Variants in MTHFD2L observed in about 807,000 individuals in gnomAD.
MTHFD2L encodes methylenetetrahydrofolate dehydrogenase (NADP+ dependent) 2 like.
A neutral mutation model predicts 34.9 loss-of-function variants in MTHFD2L; 29 were observed. The observed-to-expected ratio is 0.83, with a 90% confidence interval of 0.62 to 1.13. The LOEUF is 1.13. MTHFD2L is among the 50% of genes most tolerant of loss of function. The pLI is 0.00. For synonymous variants in MTHFD2L, 167 were observed against 155.7 expected, an observed-to-expected ratio of 1.07 and a Z score of -0.54; for missense variants, 481 against 446.5, an observed-to-expected ratio of 1.08 and a Z score of -0.70.
chr4:74,274,129 G>A (rs972413162), intron 6 of MTHFD2L, among the ~76,000 whole-genome samples: 16 of 152,010 alleles, frequency 1.1e-4, no homozygotes, highest in Non-Finnish European at 2.2e-4. Context: ...TGGGATTACA[G>A]GCATAAGCCA....
At chr4:74,210,252 G>C (rs139855464) in intron 5 of MTHFD2L, among the ~76,000 whole-genome samples, 54 of 152,238 alleles carry the variant, frequency 3.5e-4, no homozygotes, top group African/African-American at 1.3e-3. Context: ...TTTCAGTCAC[G>C]AAGATATTGC....
chr4:74,153,379 A>AT (rs1724060668), upstream of MTHFD2L, among the ~76,000 whole-genome samples: 1 of 152,250 alleles, frequency 6.6e-6, no homozygotes, highest in Admixed American at 6.5e-5. Flanking sequence ...ATGGACGCAT[A>AT]TATCTCTGTG....
chr4:74,248,999 G>C (rs1263879667), intron 6 of MTHFD2L, among the ~76,000 whole-genome samples: 1 of 152,146 alleles, frequency 6.6e-6, no homozygotes, highest in Non-Finnish European at 1.5e-5. Context: ...TATTAGGTCT[G>C]CTTGGTGCAG....
chr4:74,151,814 T>C (rs1312850769), intron 1 of MTHFD2L, among the ~76,000 whole-genome samples: 1 of 152,246 alleles, frequency 6.6e-6, no homozygotes, highest in African/African-American at 2.4e-5. Context: ...TTGCATACAT[T>C]ACTCATCACA....
chr4:74,121,016 A>T (rs1387740972), upstream of MTHFD2L, among the ~76,000 whole-genome samples: 1 of 152,236 alleles, frequency 6.6e-6, no homozygotes, highest in South Asian at 2.1e-4. Flanking sequence ...AAGTGGAATT[A>T]TGGGGGCAAC....
At chr4:74,142,360 G>A (rs891713075) in intron 1 of MTHFD2L, among the ~76,000 whole-genome samples, 2 of 152,172 alleles carry the variant, frequency 1.3e-5, no homozygotes, top group East Asian at 3.8e-4. Context: ...GGCTATGAGA[G>A]TGGAGCTCTC....
At chr4:74,179,750 T>C (rs1332512587) in intron 3 of MTHFD2L, among the ~76,000 whole-genome samples, 3 of 152,140 alleles carry the variant, frequency 2.0e-5, no homozygotes, top group Non-Finnish European at 4.4e-5. Context: ...CATTGTGTTA[T>C]GTAATAAATA....
intron 7 of MTHFD2L, among the ~76,000 whole-genome samples, chr4:74,299,379 G>C (rs1474693006): frequency 6.7e-6 from 1 of 150,146 alleles, no homozygotes; most frequent in Non-Finnish European, 1.5e-5. Context: ...AGTACTGTAA[G>C]TAGTAGTAGC....
intron 7 of MTHFD2L, among the ~76,000 whole-genome samples, chr4:74,291,610 T>C (rs1344750047): frequency 2.0e-5 from 3 of 152,196 alleles, no homozygotes; most frequent in Non-Finnish European, 4.4e-5. Context: ...AGGTCCTGGG[T>C]ATATCTGTGC....
At chr4:74,211,316 G>A (rs1444906977) in intron 5 of MTHFD2L, among the ~76,000 whole-genome samples, 1 of 152,120 alleles carries the variant, frequency 6.6e-6, no homozygotes, top group Non-Finnish European at 1.5e-5. Context: ...TATTGGCTAT[G>A]GGTTTGTCAT....
intron 1 of MTHFD2L, among the ~76,000 whole-genome samples, chr4:74,151,863 T>C (rs939015245): frequency 5.3e-5 from 8 of 152,196 alleles, no homozygotes; most frequent in Non-Finnish European, 1.0e-4. Flanking sequence ...AAATTTTTAT[T>C]GGAATGTCCC....
intron 2 of MTHFD2L, among the ~76,000 whole-genome samples, chr4:74,116,507 A>G (rs902767926): frequency 5.9e-5 from 9 of 152,190 alleles, no homozygotes; most frequent in South Asian, 2.1e-4. Context: ...GCATAAAACT[A>G]TATGACCACA....
At chr4:74,271,392 T>C (rs1482690830) in intron 6 of MTHFD2L, among the ~76,000 whole-genome samples, 1 of 152,258 alleles carries the variant, frequency 6.6e-6, no homozygotes, top group Non-Finnish European at 1.5e-5. Flanking sequence ...TACATATGGC[T>C]AGCCAGTTTT....
chr4:74,288,151 G>C (rs1051976123), intron 7 of MTHFD2L: 2 of 152,112 alleles, frequency 1.3e-5, no homozygotes, highest in African/African-American at 2.4e-5. Flanking sequence ...TTTGTCTCCT[G>C]AAACAGTCAT....
intron 3 of MTHFD2L, among the ~76,000 whole-genome samples, chr4:74,181,071 C>A (rs1340128646): frequency 6.6e-6 from 1 of 151,966 alleles, no homozygotes; most frequent in Non-Finnish European, 1.5e-5. Context: ...GCATCCTTTT[C>A]AAACTAGAAT....
intron 6 of MTHFD2L, among the ~76,000 whole-genome samples, chr4:74,244,760 A>G (rs978820411): frequency 1.3e-5 from 2 of 152,224 alleles, no homozygotes; most frequent in Non-Finnish European, 2.9e-5. Context: ...ATTGCAATTA[A>G]CGTTTAAGAA....
intron 1 of MTHFD2L, among the ~76,000 whole-genome samples, chr4:74,174,214 T>C (rs1162128584): frequency 6.6e-6 from 1 of 152,140 alleles, no homozygotes; most frequent in Non-Finnish European, 1.5e-5. Flanking sequence ...ACCTACCTCC[T>C]AATACCATAA....
intron 1 of MTHFD2L, among the ~76,000 whole-genome samples, chr4:74,130,452 T>C: frequency 6.6e-6 from 1 of 152,184 alleles, no homozygotes; most frequent in East Asian, 1.9e-4. Flanking sequence ...AAAATAAATG[T>C]AATTCATCAC....
At chr4:74,290,303 G>C (rs576450505) in intron 7 of MTHFD2L, among the ~76,000 whole-genome samples, 3 of 152,146 alleles carry the variant, frequency 2.0e-5, no homozygotes, top group African/African-American at 7.2e-5. Flanking sequence ...CCCCTGGAGT[G>C]CTTTGTAAGC....
Sources: allele counts gnomAD v4.1 joint callset (sites outside exome capture counted in the v4.1 genomes callset), GRCh38; gene constraint gnomAD v4.1.1; transcripts MANE v1.5; gene names NCBI Gene and HGNC (gene_info 2026-07-23, HGNC 2026-07-21).